CEP112: variants seen among roughly 807,000 people sequenced by gnomAD.
CEP112 encodes centrosomal protein of 112 kDa.
Under a neutral mutation model 153.0 loss-of-function variants are expected in CEP112, and 127 were observed. The ratio of observed to expected loss-of-function variants is 0.83; its 90% CI spans 0.72 to 0.96. The LOEUF (loss-of-function observed/expected upper bound fraction) is 0.96. Ranked by LOEUF, CEP112 falls within the 40% of genes least tolerant of loss-of-function variation. The probability of loss-of-function intolerance (pLI) is 0.00; values close to 1 mark genes in which losing one functional copy is unlikely to be tolerated. For missense variants in CEP112, 1,089 were observed against 1,101.2 expected (o/e 0.99, Z 0.16); for synonymous variants, 358 against 374.4 (o/e 0.96, Z 0.51).
intron 17 of CEP112, among the ~76,000 whole-genome samples, chr17:65,977,759 C>T (rs2063089490): frequency 2.6e-5 from 4 of 152,096 alleles, no homozygotes; most frequent in Admixed American, 2.6e-4. Context: ...TGGGCAACAA[C>T]GTGAGACCCT....
intron 4 of CEP112, among the ~76,000 whole-genome samples, chr17:66,138,018 G>A (rs1043153823): frequency 6.6e-6 from 1 of 152,126 alleles, no homozygotes; most frequent in African/African-American, 2.4e-5. Flanking sequence ...TGAAACACCA[G>A]GAGTCCAGTC....
At chr17:65,982,939 C>T (rs1013580473) in intron 17 of CEP112, among the ~76,000 whole-genome samples, 3 of 152,160 alleles carry the variant, frequency 2.0e-5, no homozygotes, top group African/African-American at 4.8e-5. Flanking sequence ...AAACATTACA[C>T]TAAGTGAAAG....
At chr17:65,762,081 G>GT (rs1037960515) in intron 21 of CEP112, among the ~76,000 whole-genome samples, 6 of 151,690 alleles carry the variant, frequency 4.0e-5, no homozygotes, top group Non-Finnish European at 7.4e-5. Context: ...TTCGTTTTTG[G>GT]TTTTTTTGCC....
intron 8 of CEP112, among the ~76,000 whole-genome samples, chr17:66,085,098 C>T (rs541265201): frequency 2.6e-5 from 4 of 152,176 alleles, no homozygotes; most frequent in South Asian, 4.1e-4. Flanking sequence ...GCAAATTGCT[C>T]GAGTGTTAAT....
chr17:66,063,917 T>C lies in CEP112; in HGVS notation c.956-836A>G, dbSNP rs965448390. Among the ~76,000 whole-genome samples, 6 of 152,176 alleles carry C rather than the reference T, an allele frequency of 3.9e-5. No individual in the cohort carries two copies. The East Asian group carries it at 5.8e-4, about 15-fold the overall frequency. ...GCCTAAATATGATCATCTATCTACATAGAATGCCCTTCCCTCCCTTATTGA... is the reference window on the plus strand; with the variant it reads ...GCCTAAATATGATCATCTATCTACACAGAATGCCCTTCCCTCCCTTATTGA... On this transcript the variant is annotated intron_variant, in intron 10 of 26. Coordinates refer to ENST00000535342, the MANE Select transcript of CEP112 (RefSeq NM_001199165.4).
intron 4 of CEP112, among the ~76,000 whole-genome samples, chr17:66,154,501 C>T (rs1041783310): frequency 5.9e-5 from 9 of 152,052 alleles, no homozygotes; most frequent in South Asian, 4.2e-4. Context: ...GGTGACAGAG[C>T]GAGACTCTGT....
chr17:65,901,983 C>CGG (rs1193965831), intron 20 of CEP112, among the ~76,000 whole-genome samples, 169 bp downstream of exon 20: 446 of 4,890 alleles, frequency 0.091, 66 homozygotes, highest in Non-Finnish European at 0.11. Flanking sequence ...CATCCCAAAA[C>CGG]GGGGGGGGGG....
chr17:65,700,580 G>A (rs1424260580), intron 23 of CEP112, among the ~76,000 whole-genome samples: 1 of 152,152 alleles, frequency 6.6e-6, no homozygotes, highest in Non-Finnish European at 1.5e-5. Context: ...AAGCAGAGGG[G>A]TGGCACTGAA....
intron 17 of CEP112, among the ~76,000 whole-genome samples, chr17:65,976,992 G>T (rs2063061642): frequency 6.6e-6 from 1 of 152,000 alleles, no homozygotes; most frequent in Non-Finnish European, 1.5e-5. Context: ...CCCGCCTAGG[G>T]CTCCCAAAGT....
At chr17:65,750,509 ATTGT>A (rs775491692) in intron 22 of CEP112, among the ~76,000 whole-genome samples, 149 bp downstream of exon 22, 14 of 152,232 alleles carry the variant, frequency 9.2e-5, no homozygotes, top group Admixed American at 2.6e-4. Flanking sequence ...TTAAAACCAT[ATTGT>A]TTATTTGTAT....
chr17:65,749,015 C>CT (rs919135144), intron 22 of CEP112, among the ~76,000 whole-genome samples: 23 of 152,120 alleles, frequency 1.5e-4, no homozygotes, highest in African/African-American at 5.6e-4. Flanking sequence ...TAAACTTTAA[C>CT]TTTTGGCCTA....
chr17:65,958,295 C>A (rs1568291765), intron 18 of CEP112, among the ~76,000 whole-genome samples: 3 of 152,106 alleles, frequency 2.0e-5, no homozygotes, highest in Non-Finnish European at 4.4e-5. Context: ...GCAAAAAACT[C>A]CTTGGTTGTG....
chr17:66,044,793 G>A (rs1401051), intron 12 of CEP112, among the ~76,000 whole-genome samples: 151,979 of 152,310 alleles, frequency 1, 75,826 homozygotes, highest in Non-Finnish European at 1. Context: ...TTGCACTACA[G>A]TGTAAATGTA....
chr17:65,940,205 G>A (rs1181696020), intron 18 of CEP112, among the ~76,000 whole-genome samples: 1 of 152,138 alleles, frequency 6.6e-6, no homozygotes, highest in Non-Finnish European at 1.5e-5. Context: ...ACAACTGTTA[G>A]AACAGTTTTT....
At chr17:65,683,897 C>T (rs1234837929) in intron 24 of CEP112, among the ~76,000 whole-genome samples, 1 of 152,048 alleles carries the variant, frequency 6.6e-6, no homozygotes, top group Non-Finnish European at 1.5e-5. Flanking sequence ...AAAAATTAGC[C>T]AGGCATGGTG....
intron 11 of CEP112, among the ~76,000 whole-genome samples, chr17:66,057,813 G>T (rs1237525611): frequency 6.6e-6 from 1 of 150,840 alleles, no homozygotes; most frequent in Non-Finnish European, 1.5e-5. Flanking sequence ...CAGTGAGGGG[G>T]CAGGTACAGT....
intron 17 of CEP112, among the ~76,000 whole-genome samples, chr17:65,969,365 A>C (rs758255834): frequency 3.9e-5 from 6 of 152,188 alleles, no homozygotes; most frequent in Non-Finnish European, 8.8e-5. Context: ...ATTTAAGATT[A>C]ACGTATTACA....
At chr17:66,083,008 T>G (rs1216227316) in intron 8 of CEP112, among the ~76,000 whole-genome samples, 1 of 152,128 alleles carries the variant, frequency 6.6e-6, no homozygotes, top group Non-Finnish European at 1.5e-5. Flanking sequence ...TTCTAAAGGC[T>G]AAATATTTTA....
At chr17:66,159,266 T>C (rs562983003) in intron 4 of CEP112, among the ~76,000 whole-genome samples, 6 of 152,186 alleles carry the variant, frequency 3.9e-5, no homozygotes, top group Admixed American at 2.0e-4. Context: ...AATTCTACCA[T>C]AGGTGCAAAG....
Sources: allele counts gnomAD v4.1 joint callset (sites outside exome capture counted in the v4.1 genomes callset), GRCh38; gene constraint gnomAD v4.1.1; transcripts MANE v1.5; gene names NCBI Gene and HGNC (gene_info 2026-07-23, HGNC 2026-07-21).